Variants in CDK6 observed in about 807,000 individuals in gnomAD.
CDK6 encodes the protein cyclin dependent kinase 6, also known as cyclin-dependent kinase 6.
A neutral mutation model predicts 37.1 loss-of-function variants in CDK6; 6 were observed. The observed-to-expected ratio is 0.16, with a 90% CI of 0.09 to 0.32. The LOEUF is 0.32. Ranked by LOEUF, CDK6 falls within the 10% of genes least tolerant of loss-of-function variation. CDK6 has a pLI of 1.00. For missense variants in CDK6, 224 were observed against 418.9 expected (o/e 0.53, Z 4.06); for synonymous variants, 160 against 161.3 (o/e 0.99, Z 0.06).
intron 2 of CDK6, among the ~76,000 whole-genome samples, chr7:92,808,003 C>G (rs1684653004): frequency 1.3e-5 from 2 of 152,132 alleles, no homozygotes; most frequent in Admixed American, 1.3e-4. Flanking sequence ...GAAGAGATGG[C>G]AACTTTCTAA....
At chr7:92,826,944 CAT>C (rs1801334249) in intron 2 of CDK6, among the ~76,000 whole-genome samples, 1 of 152,134 alleles carries the variant, frequency 6.6e-6, no homozygotes, top group Non-Finnish European at 1.5e-5. Context: ...AGTCAGCAAA[CAT>C]AAAGTCACTA....
chr7:92,665,060 C>G (rs1796925142), intron 5 of CDK6, among the ~76,000 whole-genome samples: 1 of 152,192 alleles, frequency 6.6e-6, no homozygotes, highest in Non-Finnish European at 1.5e-5. Flanking sequence ...GCTGGGATTA[C>G]AGGTGTGAGT....
intron 5 of CDK6, among the ~76,000 whole-genome samples, chr7:92,636,198 G>A (rs1796166753): frequency 6.6e-6 from 1 of 151,942 alleles, no homozygotes; most frequent in Admixed American, 6.6e-5. Context: ...GGGACCACAG[G>A]GGCATGCCAC....
At chr7:92,769,370 T>C (rs1232091917) in intron 3 of CDK6, among the ~76,000 whole-genome samples, 1 of 152,170 alleles carries the variant, frequency 6.6e-6, no homozygotes, top group African/African-American at 2.4e-5. Context: ...ATTCCAAGAT[T>C]GAATCATCAA....
In CDK6 at chr7:92,605,956, A is replaced by T; in HGVS notation, c.*9184T>A. ...ATTCTTATAAGACTGTGTCCCAGGCAGTGAATTTCCACACTGCTTCTTGGG... is the reference window on the plus strand; with the variant it reads ...ATTCTTATAAGACTGTGTCCCAGGCTGTGAATTTCCACACTGCTTCTTGGG... On this transcript the variant is annotated 3_prime_UTR_variant, in exon 8 of 8. Transcript: ENST00000424848. The T allele has an allele frequency of 8.6e-6, 2 of 233,740 alleles. No homozygotes were observed. The highest frequency in any genetic ancestry group is 1.7e-5 in the Non-Finnish European group (2 of 118,034). 14.5% of individuals were successfully genotyped at this position (233,740 alleles called of 1,614,324 possible).
chr7:92,765,506 C>T (rs1388582696), intron 3 of CDK6, among the ~76,000 whole-genome samples: 1 of 152,048 alleles, frequency 6.6e-6, no homozygotes, highest in Non-Finnish European at 1.5e-5. Context: ...CAAGATACAA[C>T]ATACCTTCAG....
chr7:92,626,091 C>G (rs1318190470), intron 5 of CDK6, among the ~76,000 whole-genome samples: 1 of 151,936 alleles, frequency 6.6e-6, no homozygotes, highest in Non-Finnish European at 1.5e-5. Flanking sequence ...CTTACAATTA[C>G]CACCTATTCA....
At chr7:92,663,729 A>G (rs182293362) in intron 5 of CDK6, among the ~76,000 whole-genome samples, 7 of 151,908 alleles carry the variant, frequency 4.6e-5, no homozygotes, top group Admixed American at 1.3e-4. Context: ...TAAAAAATCA[A>G]TATTAATAAC....
intron 3 of CDK6, among the ~76,000 whole-genome samples, chr7:92,765,965 G>C (rs527354224): frequency 6.6e-6 from 1 of 152,114 alleles, no homozygotes; most frequent in African/African-American, 2.4e-5. Context: ...GACAAATGCC[G>C]AGCTAGAAGC....
chr7:92,643,981 C>G (rs75777683), intron 5 of CDK6, among the ~76,000 whole-genome samples: 3 of 152,116 alleles, frequency 2.0e-5, no homozygotes, highest in Non-Finnish European at 4.4e-5. Context: ...GAAATGGGCC[C>G]AGAGGGACCT....
chr7:92,614,932 A>G lies in CDK6; in HGVS notation c.*208T>C, dbSNP rs1466223003. The stretch of plus-strand genomic sequence containing the variant: ...AAACAAACAGACAAACAAACAAACA[A>G]ATGAACATAAAGCTGCAATCACTCT... On this transcript the variant is annotated 3_prime_UTR_variant, in exon 8 of 8. Coordinates refer to ENST00000424848, the MANE Select transcript of CDK6 (RefSeq NM_001145306.2). 2.3e-5 allele frequency: 11 copies of G among 470,086 alleles called. No individual in the cohort carries two copies. Among genetic ancestry groups the G allele is most frequent in the Non-Finnish European group, 4.1e-5 (11 of 265,402 alleles). The allele number at this position is 470,086 out of a possible 1,614,324, so 29.1% of individuals were successfully genotyped here.
intron 3 of CDK6, among the ~76,000 whole-genome samples, chr7:92,748,758 C>G (rs1320233782): frequency 6.6e-6 from 1 of 152,118 alleles, no homozygotes; most frequent in Non-Finnish European, 1.5e-5. Flanking sequence ...TTCCTTAAAT[C>G]TAGTTGAGGC....
rs1267322949 is a variant in CDK6 at position 92,612,255 on chromosome 7, GTCACAATATTTTAACTTGC to G, written c.*2866_*2884del. On this transcript the variant is annotated 3_prime_UTR_variant, in exon 8 of 8. Coordinates refer to ENST00000424848, the MANE Select transcript of CDK6 (RefSeq NM_001145306.2). Reference sequence around the variant, plus strand: ...GAAATTCAAACATGATTTCAAATCTGTCACAATATTTTAACTTGCTATGAGCTGCTTCAGTGTAACCTTG... The same window carrying G: ...GAAATTCAAACATGATTTCAAATCTGTATGAGCTGCTTCAGTGTAACCTTG... 1 of 233,142 alleles carries G rather than the reference GTCACAATATTTTAACTTGC, an allele frequency of 4.3e-6. No homozygotes were observed. The highest frequency in any genetic ancestry group is 8.5e-6 in the Non-Finnish European group (1 of 117,960). 14.4% of individuals were successfully genotyped at this position (233,142 alleles called of 1,614,324 possible).
chr7:92,774,087 T>C (rs192448777), intron 3 of CDK6, among the ~76,000 whole-genome samples: 1 of 152,344 alleles, frequency 6.6e-6, no homozygotes, highest in East Asian at 1.9e-4. Flanking sequence ...CCAGTCAATA[T>C]ACTGCATCTA....
chr7:92,765,860 T>C (rs1413377519), intron 3 of CDK6, among the ~76,000 whole-genome samples: 1 of 152,030 alleles, frequency 6.6e-6, no homozygotes, highest in African/African-American at 2.4e-5. Context: ...TAACTAGATG[T>C]GGAGTTGTAG....
intron 4 of CDK6, among the ~76,000 whole-genome samples, chr7:92,683,703 C>T (rs1470416363): frequency 6.9e-6 from 1 of 145,098 alleles, no homozygotes; most frequent in Non-Finnish European, 1.5e-5. Flanking sequence ...CTACAGAGGA[C>T]TGTGGTGGGG....
chr7:92,620,941 G>A (rs1795793414), intron 6 of CDK6, among the ~76,000 whole-genome samples: 1 of 152,052 alleles, frequency 6.6e-6, no homozygotes, highest in African/African-American at 2.4e-5. Context: ...ATGTGAATAT[G>A]GCTTTCCTTA....
At chr7:92,646,153 G>T (rs1464820115) in intron 5 of CDK6, among the ~76,000 whole-genome samples, 1 of 152,248 alleles carries the variant, frequency 6.6e-6, no homozygotes, top group Middle Eastern at 3.4e-3. Flanking sequence ...TATTATTCTA[G>T]TTCAGGGTAA....
chr7:92,739,885 G>A (rs143307173), intron 3 of CDK6, among the ~76,000 whole-genome samples: 1 of 152,246 alleles, frequency 6.6e-6, no homozygotes, highest in South Asian at 2.1e-4. Context: ...CTCCTGAGTA[G>A]CTGGGACTAT....
Sources: gnomAD v4.1 joint callset for allele counts (sites outside exome capture counted in the v4.1 genomes callset) on GRCh38, gnomAD v4.1.1 for gene constraint, MANE v1.5 for transcripts, NCBI Gene and HGNC (gene_info 2026-07-23, HGNC 2026-07-21) for gene names.